RAB20: variants seen among roughly 807,000 people sequenced by gnomAD.
RAB20 encodes ras-related protein Rab-20.
In RAB20, 2 loss-of-function variants were observed where a neutral mutation model predicts 3.7. The ratio of observed to expected loss-of-function variants is 0.54; its 90% CI spans 0.22 to 1.69. The LOEUF is 1.69. Ranked by LOEUF, RAB20 falls within the 40% of genes most tolerant of loss-of-function variation. The probability of loss-of-function intolerance (pLI) is 0.19; values close to 1 mark genes in which losing one functional copy is unlikely to be tolerated. For synonymous variants in RAB20, 126 were observed against 130.8 expected (o/e 0.96, Z 0.25); for missense variants, 276 against 311.9 (o/e 0.88, Z 0.87).
chr13:110,525,445 C>G lies in RAB20; in HGVS notation c.173-1248G>C, dbSNP rs534810571. Among the ~76,000 whole-genome samples, 797 of 152,358 alleles carry G rather than the reference C, an allele frequency of 5.2e-3. 21 individuals carry two copies. Among genetic ancestry groups the G allele is most frequent in the East Asian group, 3.9e-3 (20 of 5,188 alleles). ...GTTCCCAACGTCTGCCCCAGGACCA[C>G]CTTTCTATCCCACCAACAGTGCACA... is the stretch of plus-strand genomic sequence containing the variant. On this transcript the variant is annotated intron_variant, in intron 1 of 1. Coordinates refer to ENST00000267328, the MANE Select transcript of RAB20 (RefSeq NM_017817.3).
chr13:110,525,241 G>C (rs934424757), intron 1 of RAB20, among the ~76,000 whole-genome samples: 1 of 152,230 alleles, frequency 6.6e-6, no homozygotes, highest in South Asian at 2.1e-4. Context: ...GCTGGGCCAG[G>C]GCACTGGAAC....
At chr13:110,540,716 T>C (rs954061503) in intron 1 of RAB20, among the ~76,000 whole-genome samples, 1 of 147,402 alleles carries the variant, frequency 6.8e-6, no homozygotes, top group Non-Finnish European at 1.5e-5. Context: ...CACTCCAGCC[T>C]GGGCAACGAG....
intron 1 of RAB20, among the ~76,000 whole-genome samples, chr13:110,557,132 A>G (rs1885052870): frequency 1.3e-5 from 2 of 152,184 alleles, no homozygotes; most frequent in African/African-American, 4.8e-5. Context: ...AGCCAATTAC[A>G]GGTGGAAGCC....
intron 1 of RAB20, among the ~76,000 whole-genome samples, chr13:110,549,214 C>T (rs576082199): frequency 6.6e-6 from 1 of 152,352 alleles, no homozygotes; most frequent in South Asian, 2.1e-4. Flanking sequence ...TTGCTTGGAG[C>T]TACAAGCTTA....
At chr13:110,561,088 G>A (rs1207843172) in intron 1 of RAB20, among the ~76,000 whole-genome samples, 1 of 152,204 alleles carries the variant, frequency 6.6e-6, no homozygotes, top group African/African-American at 2.4e-5. Flanking sequence ...GGAACGCGGG[G>A]CTCGGGAGCA....
chr13:110,561,273 C>G, intron 1 of RAB20, 75 bp downstream of exon 1: 1 of 1,449,926 alleles, frequency 6.9e-7, no homozygotes, highest in Non-Finnish European at 9.1e-7. Flanking sequence ...CGGCCGGGTG[C>G]CCTGCTGGAA....
At chr13:110,527,900 T>TATACACACACAC (rs1398743171) in intron 1 of RAB20, among the ~76,000 whole-genome samples, 1 of 138,124 alleles carries the variant, frequency 7.2e-6, no homozygotes, top group Non-Finnish European at 1.5e-5. Context: ...TCTCTACAAA[T>TATACACACACAC]ACACACACAC....
At chr13:110,560,254 G>A (rs1361647449) in intron 1 of RAB20, among the ~76,000 whole-genome samples, 2 of 152,264 alleles carry the variant, frequency 1.3e-5, no homozygotes, top group Admixed American at 6.5e-5. Context: ...GTTTTCACAA[G>A]ATGATTGCCA....
rs1319025917 is a variant in RAB20, at chr13:110,555,240, C to T, written c.172+6108G>A. Among the ~76,000 whole-genome samples the T allele has an allele frequency of 1.3e-5, 2 of 152,192 alleles. No homozygotes were observed. The highest frequency in any genetic ancestry group is 4.8e-5 in the African/African-American group (2 of 41,450). ...TACACACAGGCCACACCTGCTCTCC[C>T]ACCACAAACCTCCAACTACTCTAAC... On this transcript the variant is annotated intron_variant, in intron 1 of 1. Coordinates refer to ENST00000267328, the MANE Select transcript of RAB20 (RefSeq NM_017817.3). The surrounding 1 kb of genome is among the most constrained non-coding windows in gnomAD (Gnocchi z 4.0).
At chr13:110,542,726 A>C (rs1298370569) in intron 1 of RAB20, among the ~76,000 whole-genome samples, 1 of 152,210 alleles carries the variant, frequency 6.6e-6, no homozygotes, top group Non-Finnish European at 1.5e-5. Flanking sequence ...CATCAGTGGA[A>C]GCTTAGGTTG....
chr13:110,528,319 G>A (rs2139574258), intron 1 of RAB20, among the ~76,000 whole-genome samples: 1 of 151,156 alleles, frequency 6.6e-6, no homozygotes, highest in African/African-American at 2.4e-5. Context: ...GGGAGGCTGA[G>A]GCAGGAGAAC....
chr13:110,524,452 C>T (rs994976784), intron 1 of RAB20, among the ~76,000 whole-genome samples: 4 of 152,102 alleles, frequency 2.6e-5, no homozygotes, highest in African/African-American at 4.8e-5. Context: ...TCAGGAAGAA[C>T]GGGCCTCAGG....
chr13:110,555,270 C>T lies in RAB20; in HGVS notation c.172+6078G>A, dbSNP rs12429571. ...CAAACCTCCAACTACTCTAACGCGC[C>T]GGAATAGAACTCAAATGAGGCTTGA... On this transcript the variant is annotated intron_variant, in intron 1 of 1. Coordinates refer to ENST00000267328, the MANE Select transcript of RAB20 (RefSeq NM_017817.3). The surrounding 1 kb of genome is among the most constrained non-coding windows in gnomAD (Gnocchi z 4.0). Among the ~76,000 whole-genome samples, 1,948 of 152,300 alleles carry T rather than the reference C, an allele frequency of 0.013. 100 individuals carry two copies. Among genetic ancestry groups the T allele is most frequent in the East Asian group, 0.091 (467 of 5,156 alleles).
chr13:110,558,629 G>A (rs532060750), intron 1 of RAB20, among the ~76,000 whole-genome samples: 2 of 149,542 alleles, frequency 1.3e-5, no homozygotes, highest in African/African-American at 2.5e-5. Context: ...TGATCTGCCC[G>A]CCTCACCCTC....
intron 1 of RAB20, among the ~76,000 whole-genome samples, chr13:110,535,992 T>C (rs1884632378): frequency 6.6e-6 from 1 of 152,152 alleles, no homozygotes; most frequent in African/African-American, 2.4e-5. Context: ...TCTGCAGAAG[T>C]GATTAGCTAA....
intron 1 of RAB20, among the ~76,000 whole-genome samples, chr13:110,552,459 T>C (rs1310588134): frequency 6.6e-6 from 1 of 151,660 alleles, no homozygotes; most frequent in Non-Finnish European, 1.5e-5. Context: ...TTTGGGAGGC[T>C]GAGGCGGGTG....
At chr13:110,547,278 A>G (rs1253194241) in intron 1 of RAB20, among the ~76,000 whole-genome samples, 1 of 152,384 alleles carries the variant, frequency 6.6e-6, no homozygotes, top group South Asian at 2.1e-4. Flanking sequence ...TAAATGAGAA[A>G]GCGCAGCTCA....
intron 1 of RAB20, among the ~76,000 whole-genome samples, chr13:110,545,851 T>C (rs1884841619): frequency 6.6e-6 from 1 of 152,234 alleles, no homozygotes; most frequent in South Asian, 2.1e-4. Flanking sequence ...TTCTCTATTA[T>C]TAAGCAATTA....
chr13:110,545,384 C>T (rs942907846), intron 1 of RAB20, among the ~76,000 whole-genome samples: 5 of 152,124 alleles, frequency 3.3e-5, no homozygotes, highest in African/African-American at 9.7e-5. Context: ...CAAAATAGTG[C>T]CCATCCTAGC....
Sources: allele counts gnomAD v4.1 joint callset (sites outside exome capture counted in the v4.1 genomes callset), GRCh38; gene constraint gnomAD v4.1.1; non-coding constraint Gnocchi (gnomAD v3.1); transcripts MANE v1.5; gene names NCBI Gene and HGNC (gene_info 2026-07-23, HGNC 2026-07-21).